ARB2A: variants seen among roughly 807,000 people sequenced by gnomAD.
ARB2A encodes the protein ARB2 cotranscriptional regulator A.
At chr5:93,918,096 T>A in the ARB2A span, among the ~76,000 whole-genome samples, 1 of 152,188 alleles carries the variant, frequency 6.6e-6, no homozygotes. Context: ...ACCATTTCTT[T>A]ATTCCTAAGT....
the ARB2A span, among the ~76,000 whole-genome samples, chr5:93,909,754 T>C: frequency 6.6e-6 from 1 of 150,950 alleles, no homozygotes; most frequent in African/African-American, 2.4e-5. Context: ...AAAGCCCCCC[T>C]ACTTAAATTA....
chr5:93,867,246 AG>A, the ARB2A span, among the ~76,000 whole-genome samples: 1 of 152,198 alleles, frequency 6.6e-6, no homozygotes, highest in South Asian at 2.1e-4. Context: ...CAGATTCTAA[AG>A]GAAAAATAGT....
At chr5:93,848,426 G>A in the ARB2A span, among the ~76,000 whole-genome samples, 16 of 150,416 alleles carry the variant, frequency 1.1e-4, no homozygotes, top group Admixed American at 4.0e-4. Flanking sequence ...TGACTGATAC[G>A]TCCAATAAAT....
chr5:93,875,263 A>G, the ARB2A span, among the ~76,000 whole-genome samples: 3 of 151,410 alleles, frequency 2.0e-5, no homozygotes, highest in African/African-American at 7.3e-5. Context: ...ACGGAGTCTC[A>G]CTCTGTCGCC....
the ARB2A span, among the ~76,000 whole-genome samples, chr5:94,108,376 A>AT: frequency 0.11 from 16,233 of 148,660 alleles, 945 homozygotes; most frequent in Middle Eastern, 0.16. Flanking sequence ...AAGATGGTGT[A>AT]TTTTTTTTTT....
chr5:93,764,736 C>T, the ARB2A span, among the ~76,000 whole-genome samples: 6 of 152,018 alleles, frequency 3.9e-5, no homozygotes, highest in South Asian at 6.2e-4. Context: ...GGCAGAGACA[C>T]AACAAAAAAA....
the ARB2A span, among the ~76,000 whole-genome samples, chr5:93,841,690 G>T: frequency 6.6e-6 from 1 of 152,148 alleles, no homozygotes; most frequent in South Asian, 2.1e-4. Flanking sequence ...GAGTTCATAC[G>T]TGTAATCTTA....
the ARB2A span, among the ~76,000 whole-genome samples, chr5:94,093,884 CA>C: frequency 1.3e-5 from 2 of 152,098 alleles, no homozygotes; most frequent in Non-Finnish European, 2.9e-5. Context: ...GTGGGACAGG[CA>C]AACAATAGAC....
the ARB2A span, among the ~76,000 whole-genome samples, chr5:93,813,595 A>G: frequency 6.6e-6 from 1 of 152,166 alleles, no homozygotes; most frequent in Non-Finnish European, 1.5e-5. Flanking sequence ...ACTTAATCAA[A>G]TATCCCAGCA....
the ARB2A span, among the ~76,000 whole-genome samples, chr5:93,756,235 A>C: frequency 6.6e-6 from 1 of 152,152 alleles, no homozygotes; most frequent in Non-Finnish European, 1.5e-5. Flanking sequence ...GTCCAAGGAG[A>C]GTCTGAGCTC....
the ARB2A span, among the ~76,000 whole-genome samples, chr5:94,038,743 A>G: frequency 6.6e-6 from 1 of 151,956 alleles, no homozygotes; most frequent in South Asian, 2.1e-4. Flanking sequence ...AACTAAAACA[A>G]CAGTTGTGAA....
chr5:93,630,463 T>C, the ARB2A span, among the ~76,000 whole-genome samples: 2 of 152,232 alleles, frequency 1.3e-5, no homozygotes, highest in Admixed American at 6.5e-5. Flanking sequence ...GAAGTCAAGT[T>C]TGACCAGAGA....
the ARB2A span, among the ~76,000 whole-genome samples, chr5:94,000,905 T>C: frequency 8.5e-5 from 13 of 152,176 alleles, no homozygotes; most frequent in East Asian, 2.5e-3. Context: ...TTTAAAAGAG[T>C]ATCCCTGCTC....
chr5:93,691,572 G>A, the ARB2A span, among the ~76,000 whole-genome samples: 3 of 152,136 alleles, frequency 2.0e-5, no homozygotes, highest in African/African-American at 7.2e-5. Context: ...TGAAAGTGAC[G>A]GGGAGAATGG....
the ARB2A span, among the ~76,000 whole-genome samples, chr5:93,878,789 A>G: frequency 6.6e-6 from 1 of 152,060 alleles, no homozygotes; most frequent in South Asian, 2.1e-4. Flanking sequence ...ACATGGCTTA[A>G]TTTTCAAATT....
the ARB2A span, among the ~76,000 whole-genome samples, chr5:93,822,889 C>A: frequency 6.6e-6 from 1 of 152,118 alleles, no homozygotes; most frequent in Non-Finnish European, 1.5e-5. Flanking sequence ...ACAGCAGAAG[C>A]ACTTGTAGAG....
the ARB2A span, among the ~76,000 whole-genome samples, chr5:94,031,012 T>G: frequency 2.0e-5 from 3 of 152,216 alleles, no homozygotes; most frequent in Non-Finnish European, 4.4e-5. Flanking sequence ...CAAATAAATC[T>G]ATTTTCTTCA....
At chr5:93,959,818 A>G in the ARB2A span, among the ~76,000 whole-genome samples, 1 of 152,114 alleles carries the variant, frequency 6.6e-6, no homozygotes, top group African/African-American at 2.4e-5. Flanking sequence ...AAGACACAAA[A>G]CACTTTTAGA....
At chr5:93,666,769 G>A in the ARB2A span, among the ~76,000 whole-genome samples, 16 of 152,192 alleles carry the variant, frequency 1.1e-4, no homozygotes, top group Admixed American at 3.3e-4. Context: ...TGCATATTCC[G>A]GATTTCTTTT....
Sources: allele counts gnomAD v4.1 joint callset (sites outside exome capture counted in the v4.1 genomes callset), GRCh38; gene constraint gnomAD v4.1.1; transcripts MANE v1.5; gene names NCBI Gene and HGNC (gene_info 2026-07-23, HGNC 2026-07-21).